NPAS1: variants seen among roughly 807,000 people sequenced by gnomAD.
NPAS1 encodes the protein neuronal PAS domain protein 1.
NPAS1 carries 29 observed loss-of-function variants against 49.2 expected under a neutral mutation model. The observed-to-expected ratio is 0.59, with a 90% CI of 0.44 to 0.80. The LOEUF is 0.80. Among genes scored for constraint, NPAS1 ranks in the 30% least tolerant of loss-of-function variants. The probability of loss-of-function intolerance (pLI) is 0.00; values close to 1 mark genes in which losing one functional copy is unlikely to be tolerated. For missense variants in NPAS1, 825 were observed against 835.5 expected (o/e 0.99, Z 0.15); for synonymous variants, 408 against 380.4 (o/e 1.07, Z -0.84).
chr19:47,022,800 G>GT (rs1462879832), intron 3 of NPAS1, among the ~76,000 whole-genome samples: 2 of 152,216 alleles, frequency 1.3e-5, no homozygotes, highest in East Asian at 3.8e-4. Flanking sequence ...TATAAACTCT[G>GT]TAAGATACAG....
chr19:47,038,328 C>T (rs1385310988), intron 6 of NPAS1, among the ~76,000 whole-genome samples: 3 of 152,124 alleles, frequency 2.0e-5, no homozygotes, highest in Admixed American at 6.5e-5. Context: ...ACCATCCTGG[C>T]CAACATGGCG....
chr19:47,032,287 GC>G lies in NPAS1; in HGVS notation c.370del (p.Arg124AlafsTer30). ...AGPPAGLAPGRRGPAALVSEV... is the reference protein window; with the variant it reads ...AGPPAGLAPGXRGPAALVSEV... ...CTTCCATCTGCCCCAGCCCCAGGCC[GC>G]CGCGGCCCCGCAGCGCTGGTCTCCG... On this transcript the variant is annotated frameshift_variant, in exon 4 of 12. Coordinates refer to ENST00000602212, the MANE Select transcript of NPAS1 (RefSeq NM_002517.4). LOFTEE classifies it high-confidence loss of function. 6.2e-7 allele frequency: 1 copy of G among 1,613,880 alleles called. No homozygotes were observed.
chr19:47,037,053 A>G (rs575781618), intron 6 of NPAS1, among the ~76,000 whole-genome samples: 35 of 38,140 alleles, frequency 9.2e-4, no homozygotes, highest in East Asian at 4.6e-3. Flanking sequence ...CAGTGTCTGG[A>G]AAAAAAAAAA....
intron 3 of NPAS1, 62 bp from the exon 4 acceptor site, chr19:47,032,215 CG>C (rs1295898434): frequency 1.3e-6 from 2 of 1,486,852 alleles, no homozygotes; most frequent in Non-Finnish European, 1.9e-6. Context: ...GACTGGCTCC[CG>C]GGGGACCTGC....
rs73940797 is a variant in NPAS1 at position 47,041,295 on chromosome 19, C to T, written c.1217+170C>T. Reference sequence around the variant, plus strand: ...GTGAGAGCAGAGGCCCAGAGTGGAACGGTCTTGCTGGCAGGAGACAGAGAG... The same window carrying T: ...GTGAGAGCAGAGGCCCAGAGTGGAATGGTCTTGCTGGCAGGAGACAGAGAG... On this transcript the variant is annotated intron_variant, in intron 10 of 11. Coordinates refer to ENST00000602212, the MANE Select transcript of NPAS1 (RefSeq NM_002517.4). Among the ~76,000 whole-genome samples the T allele has an allele frequency of 7.4e-3, 1,129 of 152,130 alleles. 10 individuals are homozygous for T. The highest frequency in any genetic ancestry group is 0.026 in the African/African-American group (1,088 of 41,488).
chr19:47,035,816 T>C (rs1273935638), intron 5 of NPAS1, 148 bp from the exon 6 acceptor site: 5 of 755,334 alleles, frequency 6.6e-6, no homozygotes, highest in Middle Eastern at 4.0e-4. Context: ...AAGGTAATTG[T>C]TTTTTGTTTT....
intron 3 of NPAS1, among the ~76,000 whole-genome samples, chr19:47,028,825 G>A (rs1402912985): frequency 6.6e-6 from 1 of 152,074 alleles, no homozygotes; most frequent in African/African-American, 2.4e-5. Context: ...GAGCTCCCTC[G>A]GGGGTTGTCC....
At chr19:47,034,270 T>C (rs935917255) in intron 5 of NPAS1, among the ~76,000 whole-genome samples, 1 of 129,336 alleles carries the variant, frequency 7.7e-6, no homozygotes, top group Non-Finnish European at 1.6e-5. Context: ...GCCGAGATCG[T>C]GGCATTGCAC....
intron 3 of NPAS1, among the ~76,000 whole-genome samples, chr19:47,026,790 A>G (rs1161990579): frequency 6.6e-6 from 1 of 150,770 alleles, no homozygotes; most frequent in Non-Finnish European, 1.5e-5. Context: ...CCCCGTCTCA[A>G]CTAAAAATAC....
In NPAS1 at chr19:47,032,634, C is replaced by T. The variant is rs375589591; in HGVS notation, c.433-9C>T. ...TCTCCTTCCCCCTCCCTGTCTCTCC[C>T]GGCTCTAGTCCCTGGATGGCTTTGT... On this transcript the variant is annotated splice_polypyrimidine_tract_variant and intron_variant, in intron 4 of 11. Coordinates refer to ENST00000602212, the MANE Select transcript of NPAS1 (RefSeq NM_002517.4). 11 of 1,613,040 alleles carry T rather than the reference C, an allele frequency of 6.8e-6. No homozygotes were observed. The highest frequency in any genetic ancestry group is 1.7e-5 in the Admixed American group (1 of 60,004).
intron 10 of NPAS1, among the ~76,000 whole-genome samples, chr19:47,041,354 G>A (rs1349752482): frequency 6.6e-6 from 1 of 152,158 alleles, no homozygotes; most frequent in Non-Finnish European, 1.5e-5. Context: ...GTATCTTTGA[G>A]GAAGGCAGGG....
Position 47,032,365 on chromosome 19 carries a change from C to A in NPAS1, c.432+14C>A. 1 of 1,613,414 alleles carries A rather than the reference C, an allele frequency of 6.2e-7. No homozygotes were observed. Among genetic ancestry groups the A allele is most frequent in the Non-Finnish European group, 8.5e-7 (1 of 1,179,540 alleles). ...CACATCTTGCAGGTGAGTGAGGCCC[C>A]TTCCCTGCCTGCCGCTCCTTGCTAC... On this transcript the variant is annotated intron_variant, in intron 4 of 11. Coordinates refer to ENST00000602212, the MANE Select transcript of NPAS1 (RefSeq NM_002517.4).
chr19:47,021,823 G>T lies in NPAS1; in HGVS notation c.334G>T (p.Ala112Ser). 1 of 1,509,722 alleles carries T rather than the reference G, an allele frequency of 6.6e-7. No homozygotes were observed. The highest frequency in any genetic ancestry group is 8.8e-7 in the Non-Finnish European group (1 of 1,133,196). The allele number at this position is 1,509,722 out of a possible 1,614,324, so 93.5% of individuals were successfully genotyped here. A position where few individuals can be genotyped will look rare whatever the true frequency, so the allele number is the denominator to read the frequency against. ...ALGAPPWGLRAAGPPAGLAPG... is the reference protein window; with the variant it reads ...ALGAPPWGLRSAGPPAGLAPG... The stretch of plus-strand genomic sequence containing the variant: ...GGGGGCGCCGCCCTGGGGGCTGAGA[G>T]CCGCGGGGCCGCCAGCTGGCCTCGG... Residue 112 changes from alanine (A) to serine (S), a missense_variant, in exon 3 of 12, where the codon GCC (alanine) becomes TCC (serine). Coordinates refer to ENST00000602212, the MANE Select transcript of NPAS1 (RefSeq NM_002517.4). This position sits in a 1 kb window ranked among gnomAD's most constrained non-coding sequence, Gnocchi z 5.7.
At position 47,036,121 on chromosome 19, in the gene NPAS1, C is replaced by A. The variant is rs573750185; in HGVS notation, c.680C>A (p.Pro227His). Reference protein sequence around the residue: ...SSSSSSLADTPEIEASLTKVP... With the variant: ...SSSSSSLADTHEIEASLTKVP... ...TCTTCCTCTTCGCTTGCAGATACCC[C>A]CGAGATCGGTAATTCTAAGGGCTCC... The change falls in exon 6 of 12, where the codon CCC becomes CAC. Residue 227 changes from proline (P) to histidine (H), a missense_variant. Transcript: ENST00000602212. 15 of 1,560,372 alleles carry A rather than the reference C, an allele frequency of 9.6e-6. No individual in the cohort carries two copies. The highest frequency in any genetic ancestry group is 6.8e-5 in the African/African-American group (5 of 73,436).
chr19:47,020,303 AC>A (rs1204054119), intron 1 of NPAS1, among the ~76,000 whole-genome samples: 1 of 151,660 alleles, frequency 6.6e-6, no homozygotes, highest in Non-Finnish European at 1.5e-5. Flanking sequence ...GGATCAGGAG[AC>A]CAGGACACCT....
At chr19:47,028,628 G>A (rs1568501949) in intron 3 of NPAS1, among the ~76,000 whole-genome samples, 2 of 152,162 alleles carry the variant, frequency 1.3e-5, no homozygotes, top group Non-Finnish European at 2.9e-5. Flanking sequence ...TGGCAAACCC[G>A]CTTGACAGAG....
At chr19:47,024,812 T>TC in intron 3 of NPAS1, among the ~76,000 whole-genome samples, 1 of 150,372 alleles carries the variant, frequency 6.7e-6, no homozygotes, top group East Asian at 1.9e-4. Context: ...CCTATTGCTT[T>TC]TTTTTTTTTT....
At position 47,032,272 on chromosome 19, in the gene NPAS1, C is replaced by T. The variant is rs903820951; in HGVS notation, c.359-6C>T. The T allele has an allele frequency of 6.2e-7, 1 of 1,613,430 alleles. No homozygotes were observed. Among genetic ancestry groups the T allele is most frequent in the Non-Finnish European group, 8.5e-7 (1 of 1,179,638 alleles). On this transcript the variant is annotated splice_polypyrimidine_tract_variant and splice_region_variant and intron_variant, in intron 3 of 11. Transcript: ENST00000602212. ...CTAACAGGCTTCATCCTTCCATCTG[C>T]CCCAGCCCCAGGCCGCCGCGGCCCC...
rs746867488 is a variant in NPAS1 at position 47,045,294 on chromosome 19, C to A, written c.1416C>A (p.Thr472=). 4 of 1,613,956 alleles carry A rather than the reference C, an allele frequency of 2.5e-6. No individual in the cohort carries two copies. Among genetic ancestry groups the A allele is most frequent in the Non-Finnish European group, 3.4e-6 (4 of 1,180,024 alleles). The change falls in exon 12 of 12, where the codon ACC becomes ACA. Residue 472 remains threonine, a synonymous_variant. Transcript: ENST00000602212. ...RIKVEPGPRE[T]KGSEDSGDED... ...AAGTGGAGCCCGGCCCGAGGGAAAC[C>A]AAAGGCTCCGAGGACAGTGGCGACG...
Sources: allele counts gnomAD v4.1 joint callset (sites outside exome capture counted in the v4.1 genomes callset), GRCh38; gene constraint gnomAD v4.1.1; non-coding constraint Gnocchi (gnomAD v3.1); transcripts MANE v1.5; gene names NCBI Gene and HGNC (gene_info 2026-07-23, HGNC 2026-07-21).